JAZF1: variants seen among roughly 807,000 people sequenced by gnomAD.
The protein encoded by JAZF1 is JAZF zinc finger 1.
Under a neutral mutation model 26.4 loss-of-function variants are expected in JAZF1, and 8 were observed. The observed-to-expected ratio is 0.30, with a 90% CI of 0.18 to 0.55. The LOEUF is 0.55. Ranked by LOEUF, JAZF1 falls within the 20% of genes least tolerant of loss-of-function variation. The pLI, the probability that JAZF1 is intolerant of heterozygous loss-of-function variation, is 0.94. For missense variants in JAZF1, 199 were observed against 322.0 expected, an observed-to-expected ratio of 0.62 and a Z score of 2.92; for synonymous variants, 126 against 122.3, an observed-to-expected ratio of 1.03 and a Z score of -0.20.
chr7:27,986,910 G>T (rs1196811750), intron 2 of JAZF1, among the ~76,000 whole-genome samples: 1 of 152,170 alleles, frequency 6.6e-6, no homozygotes, highest in East Asian at 1.9e-4. Context: ...GCCCGCCTGG[G>T]CCTCCCGAGG....
chr7:27,836,313 TG>T (rs11348578), intron 4 of JAZF1, among the ~76,000 whole-genome samples: 101,191 of 151,582 alleles, frequency 0.67, 33,904 homozygotes, highest in Middle Eastern at 0.76. Flanking sequence ...AGAACTTAGG[TG>T]GGGGGGGTTC....
intron 2 of JAZF1, among the ~76,000 whole-genome samples, chr7:27,951,887 G>C (rs1785014787): frequency 6.6e-6 from 1 of 152,182 alleles, no homozygotes; most frequent in South Asian, 2.1e-4. Context: ...TCCTTCCTCA[G>C]ATTGAATTAC....
intron 3 of JAZF1, among the ~76,000 whole-genome samples, chr7:27,861,551 CT>C (rs11316118): frequency 0.5 from 74,135 of 148,802 alleles, 18,389 homozygotes; most frequent in East Asian, 0.66. Flanking sequence ...TTTTTTTATT[CT>C]TTTTTTTTTC....
chr7:28,031,657 A>C (rs1489982190), intron 1 of JAZF1, among the ~76,000 whole-genome samples: 2 of 152,064 alleles, frequency 1.3e-5, no homozygotes, highest in South Asian at 4.1e-4. Flanking sequence ...CCAAACACCA[A>C]ATGTTCTCAC....
chr7:27,955,108 T>C (rs770905823), intron 2 of JAZF1, among the ~76,000 whole-genome samples: 1 of 152,244 alleles, frequency 6.6e-6, no homozygotes, highest in Non-Finnish European at 1.5e-5. Context: ...TTAAGTTGCC[T>C]GGCCAATAAA....
intron 2 of JAZF1, among the ~76,000 whole-genome samples, chr7:27,900,213 G>A (rs1001597529): frequency 1.3e-5 from 2 of 152,204 alleles, no homozygotes; most frequent in East Asian, 3.8e-4. Flanking sequence ...CTCATACTGG[G>A]TTGTGAAAGC....
chr7:27,991,939 G>T lies in JAZF1; in HGVS notation c.158C>A (p.Pro53Gln). The T allele has an allele frequency of 6.2e-7, 1 of 1,606,516 alleles. No homozygotes were observed. Among genetic ancestry groups the T allele is most frequent in the Non-Finnish European group, 8.5e-7 (1 of 1,174,214 alleles). ...TATGTAACTCAGGGCAACATAGGTT[G>T]GCTGCTGTAATTCTTGTTTTTCTAA... ...RVLEKQELQQ[P>Q]TYVALSYINR... Residue 53 changes from proline to glutamine, a missense_variant, in exon 2 of 5, where the codon CCA (proline) becomes CAA (glutamine). Pro to Gln is a moderately conservative substitution (Grantham distance 76). This residue lies in a region of JAZF1 where 137 missense variants were observed against 184.8 expected (regional missense o/e 0.74). Transcript: ENST00000283928.
chr7:28,157,574 C>T (rs1205377611), intron 1 of JAZF1, among the ~76,000 whole-genome samples: 1 of 152,192 alleles, frequency 6.6e-6, no homozygotes, highest in Admixed American at 6.5e-5. Context: ...CAGGCCAAAT[C>T]TGTCCCAAGG....
At chr7:27,937,528 T>C (rs572271092) in intron 2 of JAZF1, among the ~76,000 whole-genome samples, 45 of 152,322 alleles carry the variant, frequency 3.0e-4, no homozygotes, top group African/African-American at 1.1e-3. Flanking sequence ...AACCAAAATA[T>C]GATCCTCTCC....
intron 1 of JAZF1, among the ~76,000 whole-genome samples, chr7:28,114,489 A>G (rs1784711295): frequency 6.6e-6 from 1 of 151,780 alleles, no homozygotes; most frequent in Non-Finnish European, 1.5e-5. Flanking sequence ...GAAGGCTGAC[A>G]GGTTGGAGCC....
At chr7:28,028,497 T>G (rs1417010750) in intron 1 of JAZF1, among the ~76,000 whole-genome samples, 1 of 152,212 alleles carries the variant, frequency 6.6e-6, no homozygotes, top group Non-Finnish European at 1.5e-5. Context: ...GTAGAGATGT[T>G]GCAACATTCT....
intron 3 of JAZF1, among the ~76,000 whole-genome samples, chr7:27,894,116 G>A (rs972445977): frequency 2.6e-5 from 4 of 152,046 alleles, no homozygotes; most frequent in Admixed American, 6.6e-5. Context: ...ATCTTGTTTG[G>A]CCCCTAGAAT....
intron 3 of JAZF1, chr7:27,841,883 C>T (rs533439635): frequency 3.9e-5 from 6 of 152,132 alleles, no homozygotes; most frequent in Non-Finnish European, 8.8e-5. Context: ...TTACAAGCCC[C>T]GTGGAATAAA....
intron 2 of JAZF1, among the ~76,000 whole-genome samples, chr7:27,986,330 G>A (rs2128363608): frequency 6.6e-6 from 1 of 152,244 alleles, no homozygotes; most frequent in East Asian, 1.9e-4. Context: ...CAGACAGACA[G>A]AGAGCCAAAT....
chr7:28,147,156 AT>A (rs11455969), intron 1 of JAZF1, among the ~76,000 whole-genome samples: 1 of 151,186 alleles, frequency 6.6e-6, no homozygotes, highest in Non-Finnish European at 1.5e-5. Context: ...CAGAATTCTG[AT>A]TTTTTTTGGC....
intron 2 of JAZF1, among the ~76,000 whole-genome samples, chr7:27,984,527 A>G (rs974284518): frequency 6.6e-6 from 1 of 152,170 alleles, no homozygotes; most frequent in Non-Finnish European, 1.5e-5. Flanking sequence ...CCCCACTGTC[A>G]CCATTAGACA....
At chr7:27,957,370 T>C (rs1345941765) in intron 2 of JAZF1, among the ~76,000 whole-genome samples, 1 of 152,200 alleles carries the variant, frequency 6.6e-6, no homozygotes, top group Non-Finnish European at 1.5e-5. Flanking sequence ...TAAGGGATGA[T>C]GTATGTTCAA....
intron 1 of JAZF1, among the ~76,000 whole-genome samples, chr7:28,134,880 CCTT>C (rs1288679102): frequency 8.5e-5 from 13 of 152,096 alleles, no homozygotes; most frequent in African/African-American, 3.1e-4. Flanking sequence ...ACTATAAGCT[CCTT>C]GAGGAGTGGA....
chr7:28,083,397 T>C (rs982188898), intron 1 of JAZF1, among the ~76,000 whole-genome samples: 2 of 152,170 alleles, frequency 1.3e-5, no homozygotes, highest in African/African-American at 4.8e-5. Flanking sequence ...ACCTGACCTA[T>C]GAGTTATTGA....
Sources: allele counts gnomAD v4.1 joint callset (sites outside exome capture counted in the v4.1 genomes callset), GRCh38; gene constraint gnomAD v4.1.1; regional missense constraint gnomAD v4.1.1; transcripts MANE v1.5; gene names NCBI Gene and HGNC (gene_info 2026-07-23, HGNC 2026-07-21).